Variants in CACNA1E observed in about 807,000 individuals in gnomAD.
CACNA1E encodes the protein voltage-dependent R-type calcium channel subunit alpha-1E.
A neutral mutation model predicts 259.2 loss-of-function variants in CACNA1E; 40 were observed. The observed-to-expected ratio is 0.15, with a 90% CI of 0.12 to 0.20. CACNA1E has a LOEUF of 0.20. CACNA1E is among the 10% of genes least tolerant of loss of function. CACNA1E has a pLI of 1.00. For missense variants in CACNA1E, 1,874 were observed against 3,040.1 expected (o/e 0.62, Z 9.02); for synonymous variants, 1,104 against 1,138.5 (o/e 0.97, Z 0.61).
chr1:181,596,537 A>C (rs1197183092), intron 6 of CACNA1E, among the ~76,000 whole-genome samples: 1 of 144,970 alleles, frequency 6.9e-6, no homozygotes, highest in African/African-American at 2.5e-5. Context: ...TCCAGAGAGT[A>C]GTCTTCCACC....
intron 1 of CACNA1E, among the ~76,000 whole-genome samples, chr1:181,389,593 T>C (rs1446185482): frequency 6.6e-6 from 1 of 152,224 alleles, no homozygotes; most frequent in African/African-American, 2.4e-5. Context: ...AATAGTGCCA[T>C]AGCAGAAATT....
chr1:181,798,819 A>C lies in CACNA1E; in HGVS notation c.6927A>C (p.Glu2309Asp). ...ACAACCTGCTAAGTGACACGGAAGA[A>C]GATGACAAATGCTAGAGGCTGCTCC... is the stretch of plus-strand genomic sequence containing the variant. Reference protein sequence around the residue: ...AVNNLLSDTEEDDKC With the variant: ...AVNNLLSDTEDDDKC The change falls in exon 48 of 48, where the codon GAA becomes GAC. Residue 2309 changes from glutamate (E) to aspartate (D), a missense_variant. Glu to Asp is a conservative substitution (Grantham distance 45). Transcript: ENST00000367573. This position sits in a 1 kb window ranked among gnomAD's most constrained non-coding sequence, Gnocchi z 4.2. 6.6e-7 allele frequency: 1 copy of C among 1,524,214 alleles called. No homozygotes were observed. The highest frequency in any genetic ancestry group is 8.8e-7 in the Non-Finnish European group (1 of 1,137,142). 94.4% of individuals were successfully genotyped at this position (1,524,214 alleles called of 1,614,324 possible).
At chr1:181,543,509 G>T (rs548765219) in intron 3 of CACNA1E, among the ~76,000 whole-genome samples, 2 of 152,290 alleles carry the variant, frequency 1.3e-5, no homozygotes, top group East Asian at 3.9e-4. Context: ...TTTATGATGG[G>T]AATAGTGCTT....
chr1:181,547,719 G>A (rs1055342208), intron 3 of CACNA1E, among the ~76,000 whole-genome samples: 3 of 152,218 alleles, frequency 2.0e-5, no homozygotes, highest in African/African-American at 7.2e-5. Flanking sequence ...AATGTTTGTG[G>A]AGGCCTTCTT....
Position 181,721,899 on chromosome 1 carries a change from C to A in CACNA1E, c.2074+24C>A, listed in dbSNP as rs1421623036. The A allele has an allele frequency of 4.3e-6, 6 of 1,402,184 alleles. No individual in the cohort carries two copies. In the South Asian group the frequency reaches 6.9e-5, roughly 16 times the overall value. 86.9% of individuals were successfully genotyped at this position (1,402,184 alleles called of 1,614,324 possible). ...CTGTATCCTTTTTAAGATGCACCTC[C>A]TCAAGCTGCCTGCCTTCCTGGACCA... On this transcript the variant is annotated intron_variant, in intron 16 of 47. Transcript: ENST00000367573.
At chr1:181,624,823 T>A (rs950522818) in intron 6 of CACNA1E, among the ~76,000 whole-genome samples, 1 of 152,202 alleles carries the variant, frequency 6.6e-6, no homozygotes, top group African/African-American at 2.4e-5. Context: ...CAGAAAGTTT[T>A]CTGTTTACTT....
intron 32 of CACNA1E, among the ~76,000 whole-genome samples, chr1:181,760,469 A>G (rs1658486606): frequency 6.6e-6 from 1 of 152,202 alleles, no homozygotes; most frequent in Non-Finnish European, 1.5e-5. Flanking sequence ...ATTTTAAATG[A>G]GGAAATTGAA....
intron 2 of CACNA1E, among the ~76,000 whole-genome samples, chr1:181,463,165 A>T (rs1434856533): frequency 6.6e-6 from 1 of 152,190 alleles, no homozygotes; most frequent in Non-Finnish European, 1.5e-5. Context: ...CTACACATAC[A>T]TACCTATGAT....
chr1:181,788,469 G>C (rs1661028764), intron 43 of CACNA1E, among the ~76,000 whole-genome samples: 1 of 152,218 alleles, frequency 6.6e-6, no homozygotes, highest in African/African-American at 2.4e-5. Context: ...TGCATTTTCA[G>C]TGATTTACTT....
intron 6 of CACNA1E, among the ~76,000 whole-genome samples, chr1:181,630,951 C>G (rs1468914807): frequency 6.6e-6 from 1 of 152,118 alleles, no homozygotes; most frequent in Non-Finnish European, 1.5e-5. Flanking sequence ...TGACCCTGAC[C>G]TAATTCCTCC....
At chr1:181,401,357 A>G (rs1346062606) in intron 1 of CACNA1E, among the ~76,000 whole-genome samples, 3 of 152,158 alleles carry the variant, frequency 2.0e-5, no homozygotes, top group African/African-American at 7.2e-5. Context: ...GACCCTCTAT[A>G]GCCTCCCAGA....
At chr1:181,729,962 C>T (rs1655310620) in intron 18 of CACNA1E, among the ~76,000 whole-genome samples, 1 of 152,154 alleles carries the variant, frequency 6.6e-6, no homozygotes, top group African/African-American at 2.4e-5. Flanking sequence ...TGCCTTGTTG[C>T]ATTGCAGGTC....
At chr1:181,410,663 T>A (rs1466135835) in intron 1 of CACNA1E, among the ~76,000 whole-genome samples, 1 of 152,186 alleles carries the variant, frequency 6.6e-6, no homozygotes, top group Non-Finnish European at 1.5e-5. Context: ...TTCTGCTTCA[T>A]GTGGTAGAGA....
In CACNA1E at chr1:181,710,834, A is replaced by G. The variant is rs944599677; in HGVS notation, c.1056-120A>G. On this transcript the variant is annotated intron_variant, in intron 7 of 47. Coordinates refer to ENST00000367573, the MANE Select transcript of CACNA1E (RefSeq NM_001205293.3). ...ATATTTGCAGCCTGGGTCAGGGGAA[A>G]GGGTACATGGGCTTAATAGAGGTAC... The G allele has an allele frequency of 1.4e-5, 10 of 692,612 alleles. No individual in the cohort carries two copies. The African/African-American group carries it at 1.8e-4, about 12-fold the overall frequency. The allele number at this position is 692,612 out of a possible 1,614,324, so 42.9% of individuals were successfully genotyped here.
chr1:181,750,597 GT>G, intron 26 of CACNA1E, 110 bp downstream of exon 26: 1 of 983,576 alleles, frequency 1.0e-6, no homozygotes, highest in South Asian at 1.4e-5. Context: ...AGAGTGGTCA[GT>G]TTTTATTTAT....
chr1:181,410,389 C>T (rs369111941), intron 1 of CACNA1E, among the ~76,000 whole-genome samples: 2 of 152,168 alleles, frequency 1.3e-5, no homozygotes, highest in Admixed American at 1.3e-4. Context: ...TGTTGGCTAC[C>T]ATGTCCTGGG....
chr1:181,465,061 C>T (rs1410627070), intron 2 of CACNA1E, among the ~76,000 whole-genome samples: 4 of 151,910 alleles, frequency 2.6e-5, no homozygotes, highest in African/African-American at 4.8e-5. Context: ...TACTTATTTC[C>T]CCTGAACTTG....
chr1:181,742,510 G>A (rs1322572070), intron 25 of CACNA1E, among the ~76,000 whole-genome samples: 1 of 152,194 alleles, frequency 6.6e-6, no homozygotes, highest in Non-Finnish European at 1.5e-5. Flanking sequence ...ACTTAGTGAG[G>A]AGGCTTCTGT....
At chr1:181,615,819 C>T (rs1158961223) in intron 6 of CACNA1E, among the ~76,000 whole-genome samples, 1 of 152,146 alleles carries the variant, frequency 6.6e-6, no homozygotes, top group Non-Finnish European at 1.5e-5. Context: ...CATTCACAGT[C>T]TCAATGGAAA....
Sources: allele counts gnomAD v4.1 joint callset (sites outside exome capture counted in the v4.1 genomes callset), GRCh38; gene constraint gnomAD v4.1.1; non-coding constraint Gnocchi (gnomAD v3.1); transcripts MANE v1.5; gene names NCBI Gene and HGNC (gene_info 2026-07-23, HGNC 2026-07-21).